Variants in MRTFB observed in about 807,000 individuals in gnomAD.
MRTFB encodes myocardin related transcription factor B, also known as myocardin-related transcription factor B.
In MRTFB, 29 loss-of-function variants were observed where a neutral mutation model predicts 104.2. That is an observed-to-expected ratio of 0.28 (90% CI 0.21 to 0.38). The LOEUF is 0.38. MRTFB is among the 10% of genes least tolerant of loss of function. MRTFB has a pLI of 1.00. For missense variants in MRTFB, 1,270 were observed against 1,341.6 expected, an observed-to-expected ratio of 0.95 and a Z score of 0.83; for synonymous variants, 535 against 519.5, an observed-to-expected ratio of 1.03 and a Z score of -0.41.
At chr16:14,203,381 G>A (rs947120542) in intron 3 of MRTFB, among the ~76,000 whole-genome samples, 2 of 151,978 alleles carry the variant, frequency 1.3e-5, no homozygotes, top group Admixed American at 6.6e-5. Context: ...CATTGTTTTG[G>A]TAACATACAG....
the MRTFB span, among the ~76,000 whole-genome samples, chr16:14,063,666 T>G: frequency 6.6e-6 from 1 of 152,194 alleles, no homozygotes; most frequent in Non-Finnish European, 1.5e-5. Flanking sequence ...CCATCCACCA[T>G]TCCTGTTGGT....
intron 16 of MRTFB, among the ~76,000 whole-genome samples, chr16:14,259,154 GC>G (rs754223199): frequency 9.9e-5 from 15 of 152,172 alleles, no homozygotes; most frequent in African/African-American, 1.4e-4. Flanking sequence ...ACTTCAGCCG[GC>G]CAACCCCCGT....
chr16:14,234,378 C>T (rs61242298), intron 9 of MRTFB, 95 bp downstream of exon 9: 70,303 of 1,406,368 alleles, frequency 0.05, 4,128 homozygotes, highest in African/African-American at 0.29. Flanking sequence ...ATCCAACTTG[C>T]TCAGCCTGCC....
intron 3 of MRTFB, among the ~76,000 whole-genome samples, chr16:14,156,594 G>T (rs911904276): frequency 1.3e-5 from 2 of 152,244 alleles, no homozygotes; most frequent in Non-Finnish European, 2.9e-5. Context: ...ATAATGGCAT[G>T]GTCATTCCAT....
intron 13 of MRTFB, among the ~76,000 whole-genome samples, chr16:14,251,420 C>CA (rs796294597): frequency 2.2e-4 from 33 of 151,222 alleles, no homozygotes; most frequent in African/African-American, 8.0e-4. Context: ...TAGATGAGCC[C>CA]ACCTTAGAGA....
intron 2 of MRTFB, among the ~76,000 whole-genome samples, chr16:14,099,383 T>G (rs911115428): frequency 9.8e-5 from 10 of 101,722 alleles, no homozygotes; most frequent in African/African-American, 4.4e-4. Context: ...TTTTGGTGGG[T>G]TTTTTTTTTT....
chr16:14,205,212 A>G (rs1481887894), intron 3 of MRTFB, among the ~76,000 whole-genome samples: 1 of 152,058 alleles, frequency 6.6e-6, no homozygotes. Context: ...ACTGTTTTCT[A>G]TTTCCATATT....
intron 3 of MRTFB, chr16:14,200,700 A>G: frequency 6.5e-7 from 1 of 1,535,628 alleles, no homozygotes; most frequent in Admixed American, 1.7e-5. Context: ...TCTCAAGAGA[A>G]TGAAACTGTG....
intron 10 of MRTFB, among the ~76,000 whole-genome samples, chr16:14,243,025 T>A (rs1442669714): frequency 6.6e-6 from 1 of 152,108 alleles, no homozygotes; most frequent in Admixed American, 6.6e-5. Flanking sequence ...TCTGTGGTGT[T>A]GAAACTTCAT....
At chr16:14,094,208 A>G (rs902927598) in intron 2 of MRTFB, among the ~76,000 whole-genome samples, 1 of 152,170 alleles carries the variant, frequency 6.6e-6, no homozygotes, top group Non-Finnish European at 1.5e-5. Flanking sequence ...TTTCAGGTAT[A>G]CAGTATTTCC....
At chr16:14,163,167 G>C (rs1048890307) in intron 3 of MRTFB, among the ~76,000 whole-genome samples, 3 of 151,880 alleles carry the variant, frequency 2.0e-5, no homozygotes, top group Non-Finnish European at 4.4e-5. Context: ...TCTCATTGAG[G>C]GTATACAATC....
chr16:14,174,834 G>C (rs1156727786), intron 3 of MRTFB, among the ~76,000 whole-genome samples: 2 of 152,190 alleles, frequency 1.3e-5, no homozygotes. Flanking sequence ...GTCAGTCACA[G>C]CTCATTGCGT....
chr16:14,201,943 C>T (rs13334748), intron 3 of MRTFB, among the ~76,000 whole-genome samples: 13,382 of 152,044 alleles, frequency 0.088, 1,209 homozygotes, highest in African/African-American at 0.23. Context: ...TAAATTCTGT[C>T]GTAGGTATTA....
chr16:14,085,010 C>T (rs2034614707), intron 2 of MRTFB, among the ~76,000 whole-genome samples: 1 of 152,066 alleles, frequency 6.6e-6, no homozygotes, highest in Admixed American at 6.6e-5. Context: ...AAAAAATTAG[C>T]AAGGCATGGT....
chr16:14,045,635 C>T, the MRTFB span, among the ~76,000 whole-genome samples: 1 of 152,232 alleles, frequency 6.6e-6, no homozygotes, highest in African/African-American at 2.4e-5. Context: ...AATCCAATTG[C>T]TTGGATTCAC....
intron 9 of MRTFB, among the ~76,000 whole-genome samples, chr16:14,237,399 G>A (rs1430373127): frequency 6.6e-6 from 1 of 151,444 alleles, no homozygotes. Flanking sequence ...AAAGGCTGCT[G>A]TGCCTCAGTT....
At chr16:14,021,752 A>G in the MRTFB span, among the ~76,000 whole-genome samples, 1 of 152,150 alleles carries the variant, frequency 6.6e-6, no homozygotes, top group Non-Finnish European at 1.5e-5. Context: ...AATGCCGTTA[A>G]TTCATTCCTT....
intron 2 of MRTFB, among the ~76,000 whole-genome samples, chr16:14,105,270 C>T (rs1421566275): frequency 6.6e-6 from 1 of 152,114 alleles, no homozygotes; most frequent in East Asian, 1.9e-4. Context: ...GAAGTTTCTC[C>T]TTTGTCTCTT....
At chr16:14,046,013 G>C in the MRTFB span, among the ~76,000 whole-genome samples, 2 of 152,146 alleles carry the variant, frequency 1.3e-5, no homozygotes, top group Non-Finnish European at 2.9e-5. Flanking sequence ...TAAGTCATGC[G>C]GGATCTGAAA....
Sources: gnomAD v4.1 joint callset for allele counts (sites outside exome capture counted in the v4.1 genomes callset) on GRCh38, gnomAD v4.1.1 for gene constraint, MANE v1.5 for transcripts, NCBI Gene and HGNC (gene_info 2026-07-23, HGNC 2026-07-21) for gene names.